The following LYRM4 variants were observed in gnomAD, a reference collection of about 807,000 sequenced individuals.
The protein encoded by LYRM4 is LYR motif containing 4.
LYRM4 carries 9 observed loss-of-function variants against 11.7 expected under a neutral mutation model. The ratio of observed to expected loss-of-function variants is 0.77; its 90% CI spans 0.46 to 1.34. The LOEUF (loss-of-function observed/expected upper bound fraction) is 1.34. Ranked by LOEUF, LYRM4 falls within the 40% of genes most tolerant of loss-of-function variation. The probability of loss-of-function intolerance (pLI) is 0.00; values close to 1 mark genes in which losing one functional copy is unlikely to be tolerated. For missense variants in LYRM4, 133 were observed against 112.5 expected (o/e 1.18, Z -0.82); for synonymous variants, 42 against 40.4 (o/e 1.04, Z -0.15).
At chr6:5,218,076 TAAAA>T (rs199693785) in intron 1 of LYRM4, among the ~76,000 whole-genome samples, 1 of 150,462 alleles carries the variant, frequency 6.6e-6, no homozygotes. Flanking sequence ...CCTGGCTAAT[TAAAA>T]AAAATTTTGG....
rs143312576 is a variant in LYRM4, at chr6:5,128,311, C to T, written c.208-18820G>A. Among the ~76,000 whole-genome samples the T allele has an allele frequency of 1.3e-3, 202 of 152,252 alleles. 3 individuals are homozygous for T. Among genetic ancestry groups the T allele is most frequent in the East Asian group, 3.1e-3 (16 of 5,188 alleles). On this transcript the variant is annotated intron_variant, in intron 2 of 2. Coordinates refer to ENST00000330636, the MANE Select transcript of LYRM4 (RefSeq NM_020408.6). ...ATCCTGGAAGCAGGGCACCCATCAC[C>T]GCTCACACACCCTGCTCCCAGCTGT...
chr6:5,039,078 A>T, the LYRM4 span, among the ~76,000 whole-genome samples: 1 of 152,082 alleles, frequency 6.6e-6, no homozygotes, highest in African/African-American at 2.4e-5. Flanking sequence ...TATCACTGGA[A>T]CACTGAAATG....
chr6:5,221,080 G>C (rs996905004), intron 1 of LYRM4, among the ~76,000 whole-genome samples: 2 of 152,058 alleles, frequency 1.3e-5, no homozygotes, highest in East Asian at 1.9e-4. Flanking sequence ...TCTTGCCTTG[G>C]CCTCTCAAAG....
chr6:5,136,293 C>A, intron 2 of LYRM4: 1 of 985,284 alleles, frequency 1.0e-6, no homozygotes, highest in Non-Finnish European at 1.2e-6. Flanking sequence ...CTATTCAATA[C>A]TTTTAAAACC....
downstream of LYRM4, chr6:5,103,062 T>A (rs466369): frequency 0.76 from 115,209 of 151,784 alleles, 44,317 homozygotes; most frequent in East Asian, 0.93. Flanking sequence ...TGGCACTAAT[T>A]AGAGCTGCAG....
chr6:5,182,474 A>C (rs1760133716), intron 2 of LYRM4, among the ~76,000 whole-genome samples: 1 of 152,260 alleles, frequency 6.6e-6, no homozygotes. Context: ...AATTCATTTT[A>C]AAGTTTCATT....
intron 1 of LYRM4, among the ~76,000 whole-genome samples, chr6:5,247,042 G>A (rs944550603): frequency 3.9e-5 from 6 of 152,164 alleles, no homozygotes; most frequent in African/African-American, 7.2e-5. Context: ...TGTCTAATCC[G>A]GGTGCTGAGA....
At chr6:5,260,602 C>CGG in intron 1 of LYRM4, 46 bp downstream of exon 1, 9 of 1,203,596 alleles carry the variant, frequency 7.5e-6, no homozygotes, top group African/African-American at 1.6e-5. Flanking sequence ...CCCCGGTCCC[C>CGG]GGCCCCTGGC....
chr6:5,178,522 T>A (rs1759855414), intron 2 of LYRM4, among the ~76,000 whole-genome samples: 1 of 146,550 alleles, frequency 6.8e-6, no homozygotes, highest in Non-Finnish European at 1.5e-5. Flanking sequence ...GAATGAAAAA[T>A]ACAGAAATAG....
intron 2 of LYRM4, among the ~76,000 whole-genome samples, chr6:5,118,904 T>G (rs1763271947): frequency 6.6e-6 from 1 of 152,200 alleles, no homozygotes; most frequent in Non-Finnish European, 1.5e-5. Flanking sequence ...TTCAAAATGT[T>G]TACATATAAT....
At chr6:5,070,390 A>G in the LYRM4 span, among the ~76,000 whole-genome samples, 72 of 152,346 alleles carry the variant, frequency 4.7e-4, no homozygotes, top group African/African-American at 1.5e-3. Flanking sequence ...ATAAACAGCA[A>G]GATGTTTACT....
At chr6:5,086,253 G>C in the LYRM4 span, 1 of 1,535,598 alleles carries the variant, frequency 6.5e-7, no homozygotes, top group Non-Finnish European at 8.7e-7. Context: ...CCTTTACCGA[G>C]TGGCGCTCCT....
chr6:5,260,636 C>T lies in LYRM4; in HGVS notation c.86+12G>A. On this transcript the variant is annotated intron_variant, in intron 1 of 2. Coordinates refer to ENST00000330636, the MANE Select transcript of LYRM4 (RefSeq NM_020408.6). ...GCCCCCCGCCCCCGGCCCCCGGTGC[C>T]CGCTGGGTCACCTGTAATTGTAGGC... 6.5e-7 allele frequency: 1 copy of T among 1,533,452 alleles called. No individual in the cohort carries two copies. Among genetic ancestry groups the T allele is most frequent in the South Asian group, 1.2e-5 (1 of 83,902 alleles). 95.0% of individuals were successfully genotyped at this position (1,533,452 alleles called of 1,614,324 possible).
At chr6:5,182,885 A>G (rs2127680779) in intron 2 of LYRM4, among the ~76,000 whole-genome samples, 1 of 152,346 alleles carries the variant, frequency 6.6e-6, no homozygotes, top group African/African-American at 2.4e-5. Flanking sequence ...AGAGTGGAGA[A>G]TATTTTATGT....
chr6:5,182,687 TA>T (rs1760147879), intron 2 of LYRM4, among the ~76,000 whole-genome samples: 1 of 152,222 alleles, frequency 6.6e-6, no homozygotes, highest in Non-Finnish European at 1.5e-5. Flanking sequence ...ATGTGTATTT[TA>T]AAAAGGTAAC....
intron 1 of LYRM4, among the ~76,000 whole-genome samples, chr6:5,230,618 CCTAT>C (rs1763181484): frequency 6.6e-6 from 1 of 152,114 alleles, no homozygotes; most frequent in Non-Finnish European, 1.5e-5. Flanking sequence ...AGAATAACTA[CCTAT>C]GGTAGATCAA....
intron 2 of LYRM4, among the ~76,000 whole-genome samples, chr6:5,206,873 TCCATGTAACTGAC>T (rs1761726978): frequency 2.9e-4 from 1 of 3,450 alleles, no homozygotes; most frequent in Non-Finnish European, 3.9e-3. Context: ...AACTGACCAA[TCCATGTAACTGAC>T]CAATCCATGA....
chr6:5,131,382 T>A (rs928193379), intron 2 of LYRM4, among the ~76,000 whole-genome samples: 64 of 152,282 alleles, frequency 4.2e-4, no homozygotes, highest in African/African-American at 1.4e-3. Flanking sequence ...TACACACACA[T>A]GTATCTCAGA....
the LYRM4 span, among the ~76,000 whole-genome samples, chr6:5,034,992 G>T: frequency 1.3e-5 from 2 of 151,956 alleles, no homozygotes; most frequent in East Asian, 1.9e-4. Flanking sequence ...TACAAGAAAA[G>T]AGTTATGTGG....
Sources: gnomAD v4.1 joint callset for allele counts (sites outside exome capture counted in the v4.1 genomes callset) on GRCh38, gnomAD v4.1.1 for gene constraint, MANE v1.5 for transcripts, NCBI Gene and HGNC (gene_info 2026-07-23, HGNC 2026-07-21) for gene names.